RNLS: variants seen among roughly 807,000 people sequenced by gnomAD.
The protein encoded by RNLS is renalase.
RNLS carries 39 observed loss-of-function variants against 39.8 expected under a neutral mutation model. The ratio of observed to expected loss-of-function variants is 0.98; its 90% CI spans 0.76 to 1.28. RNLS has a LOEUF of 1.28. RNLS is among the 50% of genes most tolerant of loss of function. RNLS has a pLI of 0.00. For synonymous variants in RNLS, 147 were observed against 150.7 expected, an observed-to-expected ratio of 0.98 and a Z score of 0.18; for missense variants, 410 against 413.3, an observed-to-expected ratio of 0.99 and a Z score of 0.07.
chr10:88,254,472 G>A, the RNLS span, among the ~76,000 whole-genome samples: 2 of 152,210 alleles, frequency 1.3e-5, no homozygotes, highest in Non-Finnish European at 2.9e-5. Context: ...GACCTAACAA[G>A]AGAAGAAGCT....
At chr10:88,369,484 T>C (rs1820270435) in intron 4 of RNLS, among the ~76,000 whole-genome samples, 2 of 152,162 alleles carry the variant, frequency 1.3e-5, no homozygotes, top group Admixed American at 1.3e-4. Flanking sequence ...GTGAGCTCCT[T>C]TACAGCTAAA....
chr10:88,572,533 C>T (rs1849898978), intron 4 of RNLS, among the ~76,000 whole-genome samples: 1 of 152,100 alleles, frequency 6.6e-6, no homozygotes, highest in Non-Finnish European at 1.5e-5. Flanking sequence ...GAGAGCAACC[C>T]AGAGAACAAG....
intron 4 of RNLS, among the ~76,000 whole-genome samples, chr10:88,375,578 A>G (rs184419966): frequency 2.0e-3 from 298 of 152,298 alleles, no homozygotes; most frequent in Non-Finnish European, 3.7e-3. Context: ...CTAATTGGAA[A>G]CAATCAGATT....
At chr10:88,189,306 A>T in the RNLS span, among the ~76,000 whole-genome samples, 1 of 152,188 alleles carries the variant, frequency 6.6e-6, no homozygotes, top group Non-Finnish European at 1.5e-5. Flanking sequence ...TTCATCTTAT[A>T]ATTATTCACA....
At chr10:88,381,563 G>A (rs1005215665) in intron 4 of RNLS, among the ~76,000 whole-genome samples, 3 of 151,524 alleles carry the variant, frequency 2.0e-5, no homozygotes, top group Non-Finnish European at 4.4e-5. Context: ...AGTGATAATA[G>A]GCTTTCAGTT....
the RNLS span, among the ~76,000 whole-genome samples, chr10:88,212,275 A>G: frequency 1.3e-5 from 2 of 152,194 alleles, no homozygotes; most frequent in African/African-American, 4.8e-5. Context: ...AAGAGAAACC[A>G]TGTTGATACA....
chr10:88,382,935 A>G (rs1851641155), intron 4 of RNLS, among the ~76,000 whole-genome samples: 2 of 152,104 alleles, frequency 1.3e-5, no homozygotes, highest in African/African-American at 4.8e-5. Flanking sequence ...AGACGGTGGT[A>G]AAATATTTAT....
At chr10:88,259,232 G>A in the RNLS span, 3 of 152,308 alleles carry the variant, frequency 2.0e-5, no homozygotes, top group East Asian at 5.8e-4. Context: ...AAAAGAGGGA[G>A]GAGTTTCCAA....
In RNLS at chr10:88,583,194, G is replaced by A; in HGVS notation, c.-4C>T. On this transcript the variant is annotated 5_prime_UTR_variant, in exon 1 of 7. Coordinates refer to ENST00000331772, the MANE Select transcript of RNLS (RefSeq NM_001031709.3). ...CCACGATCAGCACCTGCGCCATGGCGAGAGGGAGCAGCGATCCGCGCTGAG... is the reference window on the plus strand; with the variant it reads ...CCACGATCAGCACCTGCGCCATGGCAAGAGGGAGCAGCGATCCGCGCTGAG... The A allele has an allele frequency of 2.5e-6, 4 of 1,613,782 alleles. No homozygotes were observed. Among genetic ancestry groups the A allele is most frequent in the Non-Finnish European group, 3.4e-6 (4 of 1,179,896 alleles).
chr10:88,389,277 A>T (rs1852053614), intron 4 of RNLS, among the ~76,000 whole-genome samples: 1 of 152,226 alleles, frequency 6.6e-6, no homozygotes, highest in African/African-American at 2.4e-5. Context: ...TTTTGGAGCC[A>T]GAAAAGGAGA....
the RNLS span, among the ~76,000 whole-genome samples, chr10:88,220,206 G>T: frequency 5.9e-5 from 9 of 152,242 alleles, no homozygotes; most frequent in African/African-American, 2.2e-4. Context: ...AGTTGTGGCA[G>T]AAACACATCC....
At chr10:88,245,574 A>G in the RNLS span, among the ~76,000 whole-genome samples, 1 of 152,348 alleles carries the variant, frequency 6.6e-6, no homozygotes, top group East Asian at 1.9e-4. Context: ...GCTTAACCAC[A>G]AATTCACCCT....
chr10:88,496,143 G>A (rs1186533208), intron 4 of RNLS, among the ~76,000 whole-genome samples: 1 of 152,002 alleles, frequency 6.6e-6, no homozygotes, highest in East Asian at 1.9e-4. Context: ...ACACTTGTAA[G>A]GGAAAACAAT....
At chr10:88,354,550 T>C (rs1023849810) in intron 5 of RNLS, among the ~76,000 whole-genome samples, 3 of 152,168 alleles carry the variant, frequency 2.0e-5, no homozygotes, top group Admixed American at 6.5e-5. Flanking sequence ...TGGCCCCCCC[T>C]CTCTTCTGGC....
At chr10:88,548,115 A>G (rs1421077005) in intron 4 of RNLS, among the ~76,000 whole-genome samples, 6 of 151,388 alleles carry the variant, frequency 4.0e-5, no homozygotes, top group Non-Finnish European at 1.5e-5. Context: ...ACAAAAAATT[A>G]GCTGGGCATG....
intron 5 of RNLS, among the ~76,000 whole-genome samples, chr10:88,342,263 C>T (rs1021314203): frequency 2.0e-5 from 3 of 152,154 alleles, no homozygotes; most frequent in Admixed American, 2.0e-4. Flanking sequence ...CAGCCACAAG[C>T]GCCTTTGTAG....
rs374283185 is a variant in RNLS at position 88,501,307 on chromosome 10, G to A, written c.526+71596C>T. 2.0e-4 allele frequency among the ~76,000 whole-genome samples: 31 copies of A among 152,158 alleles called. No individual in the cohort carries two copies. In the East Asian group the frequency reaches 2.5e-3, roughly 12 times the overall value. Reference sequence around the variant, plus strand: ...TTATCTGTGTCCCTGTCATCAAAATGGTGATACTACCTATATCTCATAATT... The same window carrying A: ...TTATCTGTGTCCCTGTCATCAAAATAGTGATACTACCTATATCTCATAATT... On this transcript the variant is annotated intron_variant, in intron 4 of 6. Transcript: ENST00000331772.
At chr10:88,537,300 T>A (rs998057570) in intron 4 of RNLS, among the ~76,000 whole-genome samples, 18 of 152,332 alleles carry the variant, frequency 1.2e-4, no homozygotes, top group African/African-American at 3.8e-4. Context: ...GTTATATAAG[T>A]TTTTCACTAA....
chr10:88,470,542 T>C (rs1349504970), intron 4 of RNLS, among the ~76,000 whole-genome samples: 1 of 152,176 alleles, frequency 6.6e-6, no homozygotes, highest in Non-Finnish European at 1.5e-5. Flanking sequence ...TTTTGTTTCC[T>C]ATGCAAATGT....
Sources: allele counts gnomAD v4.1 joint callset (sites outside exome capture counted in the v4.1 genomes callset), GRCh38; gene constraint gnomAD v4.1.1; transcripts MANE v1.5; gene names NCBI Gene and HGNC (gene_info 2026-07-23, HGNC 2026-07-21).